The following CLYBL variants were observed in gnomAD, a reference collection of about 807,000 sequenced individuals.
CLYBL encodes citramalyl-CoA lyase, mitochondrial.
A neutral mutation model predicts 38.9 loss-of-function variants in CLYBL; 31 were observed. The ratio of observed to expected loss-of-function variants is 0.80; its 90% CI spans 0.60 to 1.08. The LOEUF is 1.08. CLYBL is among the 50% of genes least tolerant of loss of function. The probability of loss-of-function intolerance (pLI) is 0.00; values close to 1 mark genes in which losing one functional copy is unlikely to be tolerated. For missense variants in CLYBL, 434 were observed against 411.6 expected (o/e 1.05, Z -0.47); for synonymous variants, 171 against 158.6 (o/e 1.08, Z -0.59).
At chr13:99,877,076 G>A (rs1385348439) in intron 7 of CLYBL, among the ~76,000 whole-genome samples, 1 of 152,108 alleles carries the variant, frequency 6.6e-6, no homozygotes, top group East Asian at 1.9e-4. Context: ...GTTATCAGTC[G>A]TTCAGTCTCC....
intron 3 of CLYBL, among the ~76,000 whole-genome samples, 155 bp from the exon 4 acceptor site, chr13:99,862,832 GACTT>G (rs1400286892): frequency 3.9e-5 from 6 of 152,000 alleles, no homozygotes; most frequent in Non-Finnish European, 8.8e-5. Context: ...TTTTTCTTTG[GACTT>G]TCTTCTTATT....
At chr13:99,784,194 T>G (rs937659776) in intron 2 of CLYBL, among the ~76,000 whole-genome samples, 1 of 152,024 alleles carries the variant, frequency 6.6e-6, no homozygotes, top group African/African-American at 2.4e-5. Context: ...TTCAATCAAT[T>G]CTTAGATCCC....
intron 7 of CLYBL, among the ~76,000 whole-genome samples, chr13:99,883,152 C>T (rs370418894): frequency 5.9e-5 from 9 of 152,284 alleles, no homozygotes; most frequent in Admixed American, 3.9e-4. Flanking sequence ...GGAACCCCAC[C>T]GGGTTTCAGT....
chr13:99,648,417 C>T (rs756875445), intron 1 of CLYBL, among the ~76,000 whole-genome samples: 7 of 152,094 alleles, frequency 4.6e-5, no homozygotes, highest in East Asian at 1.9e-4. Context: ...TATGGAATGC[C>T]GAAATAAATA....
In CLYBL at chr13:99,761,331, C is replaced by T. The variant is rs112982677; in HGVS notation, c.63-11493C>T. Reference sequence around the variant, plus strand: ...TCGTGCCACTCCACTCCAGCCTAGGCGACAGAGTGAGACGCCAACTCAAGA... The same window carrying T: ...TCGTGCCACTCCACTCCAGCCTAGGTGACAGAGTGAGACGCCAACTCAAGA... On this transcript the variant is annotated intron_variant, in intron 1 of 8. Transcript: ENST00000339105. 4.2e-4 allele frequency among the ~76,000 whole-genome samples: 64 copies of T among 152,252 alleles called. 1 individual carries two copies. The South Asian group carries it at 0.011, about 26-fold the overall frequency.
At chr13:99,842,124 C>T (rs2051098546) in intron 2 of CLYBL, among the ~76,000 whole-genome samples, 1 of 152,112 alleles carries the variant, frequency 6.6e-6, no homozygotes, top group South Asian at 2.1e-4. Context: ...AGCTGGAACA[C>T]CTATGTATTT....
At chr13:99,742,598 G>T (rs2048774759) in intron 1 of CLYBL, among the ~76,000 whole-genome samples, 1 of 152,146 alleles carries the variant, frequency 6.6e-6, no homozygotes, top group Non-Finnish European at 1.5e-5. Context: ...TTTAAAAGAT[G>T]ATTTAAGTAA....
intron 1 of CLYBL, among the ~76,000 whole-genome samples, chr13:99,751,321 A>C (rs954636689): frequency 1.2e-4 from 18 of 151,980 alleles, no homozygotes; most frequent in Admixed American, 1.0e-3. Context: ...CTCGGGTTCA[A>C]GTGATTCTCC....
intron 2 of CLYBL, among the ~76,000 whole-genome samples, chr13:99,805,010 C>T (rs2050203590): frequency 6.6e-6 from 1 of 152,166 alleles, no homozygotes; most frequent in Non-Finnish European, 1.5e-5. Context: ...TGGAATCATG[C>T]AGTATTTGTC....
chr13:99,804,419 T>A (rs1357396593), intron 2 of CLYBL, among the ~76,000 whole-genome samples: 3 of 152,210 alleles, frequency 2.0e-5, no homozygotes, highest in African/African-American at 7.2e-5. Context: ...TGACTTCCTC[T>A]CTTGTTGGCC....
intron 2 of CLYBL, among the ~76,000 whole-genome samples, chr13:99,854,474 C>T (rs532830018): frequency 6.6e-6 from 1 of 151,722 alleles, no homozygotes; most frequent in South Asian, 2.1e-4. Context: ...AAGTTTGGAA[C>T]TAATGAACTG....
intron 2 of CLYBL, among the ~76,000 whole-genome samples, chr13:99,819,802 C>T (rs999757851): frequency 1.1e-4 from 16 of 152,182 alleles, no homozygotes; most frequent in Non-Finnish European, 2.4e-4. Flanking sequence ...AAGCCCTCAA[C>T]AGATTGGATG....
chr13:99,657,117 C>A (rs1193246768), intron 1 of CLYBL, among the ~76,000 whole-genome samples: 1 of 152,168 alleles, frequency 6.6e-6, no homozygotes, highest in Non-Finnish European at 1.5e-5. Flanking sequence ...CTGTGCACTT[C>A]TTAGCTGAGA....
chr13:99,758,242 T>A (rs1395580554), intron 1 of CLYBL, among the ~76,000 whole-genome samples: 1 of 152,170 alleles, frequency 6.6e-6, no homozygotes, highest in Non-Finnish European at 1.5e-5. Flanking sequence ...TGCCTCTTGT[T>A]ATATAAATGG....
At chr13:99,767,136 G>C (rs1349108681) in intron 1 of CLYBL, among the ~76,000 whole-genome samples, 5 of 152,350 alleles carry the variant, frequency 3.3e-5, no homozygotes, top group Non-Finnish European at 7.3e-5. Flanking sequence ...TTGAGTTGGA[G>C]GAAATGTTTT....
chr13:99,810,661 A>G (rs1371660936), intron 2 of CLYBL, among the ~76,000 whole-genome samples: 7 of 152,164 alleles, frequency 4.6e-5, no homozygotes, highest in Admixed American at 4.6e-4. Flanking sequence ...AAGGGTTTCA[A>G]GCAGCAGAGA....
At chr13:99,610,641 A>C (rs942374473) in intron 1 of CLYBL, among the ~76,000 whole-genome samples, 1 of 152,146 alleles carries the variant, frequency 6.6e-6, no homozygotes, top group South Asian at 2.1e-4. Context: ...CATGTCTTCA[A>C]CATTCAGCCA....
At chr13:99,776,618 C>A (rs2049523396) in intron 2 of CLYBL, among the ~76,000 whole-genome samples, 1 of 151,518 alleles carries the variant, frequency 6.6e-6, no homozygotes, top group South Asian at 2.1e-4. Context: ...TTTCATTATC[C>A]AACATTTATA....
intron 1 of CLYBL, among the ~76,000 whole-genome samples, chr13:99,664,655 G>A (rs932856415): frequency 2.6e-5 from 4 of 152,158 alleles, no homozygotes; most frequent in East Asian, 1.9e-4. Flanking sequence ...CATTCATAAC[G>A]TGCGACGTAG....
Sources: gnomAD v4.1 joint callset for allele counts (sites outside exome capture counted in the v4.1 genomes callset) on GRCh38, gnomAD v4.1.1 for gene constraint, MANE v1.5 for transcripts, NCBI Gene and HGNC (gene_info 2026-07-23, HGNC 2026-07-21) for gene names.